Variants in RELL1 observed in about 807,000 individuals in gnomAD.
The protein encoded by RELL1 is RELT like 1, also known as RELT-like protein 1.
In RELL1, 10 loss-of-function variants were observed where a neutral mutation model predicts 23.0. That is an observed-to-expected ratio of 0.43 (90% CI 0.27 to 0.74). RELL1 has a LOEUF of 0.74. Among genes scored for constraint, RELL1 ranks in the 30% least tolerant of loss-of-function variants. The pLI is 0.19. For missense variants in RELL1, 315 were observed against 364.4 expected (o/e 0.86, Z 1.10); for synonymous variants, 146 against 146.8 (o/e 0.99, Z 0.04).
At chr4:37,644,267 A>T (rs1201751071) in intron 3 of RELL1, among the ~76,000 whole-genome samples, 1 of 151,572 alleles carries the variant, frequency 6.6e-6, no homozygotes, top group Non-Finnish European at 1.5e-5. Flanking sequence ...TCCTCCAAGG[A>T]CCCCAAACAC....
chr4:37,685,809 A>G (rs974190687), intron 1 of RELL1, among the ~76,000 whole-genome samples: 1 of 152,258 alleles, frequency 6.6e-6, no homozygotes, highest in African/African-American at 2.4e-5. Context: ...GCTCTGTGTC[A>G]CGATCTTCCG....
At chr4:37,604,900 G>GACACACACACACACACACACACACACAC (rs1483293891) in intron 6 of RELL1, among the ~76,000 whole-genome samples, 1 of 65,618 alleles carries the variant, frequency 1.5e-5, no homozygotes, top group African/African-American at 8.2e-5. Context: ...CACACACACA[G>GACACACACACACACACACACACACACAC]ACACACACAC....
intron 6 of RELL1, among the ~76,000 whole-genome samples, chr4:37,625,652 A>T (rs1046334888): frequency 6.6e-6 from 1 of 152,198 alleles, no homozygotes; most frequent in Non-Finnish European, 1.5e-5. Flanking sequence ...TCTTTCAGGA[A>T]AAATTACAAC....
intron 6 of RELL1, among the ~76,000 whole-genome samples, chr4:37,628,439 C>T (rs912920141): frequency 5.9e-5 from 9 of 152,152 alleles, no homozygotes; most frequent in African/African-American, 1.9e-4. Context: ...TGCCCAAGTA[C>T]AGAATACCCA....
Position 37,627,623 on chromosome 4 carries a change from A to T in RELL1, c.*3+3762T>A, listed in dbSNP as rs529053092. The stretch of plus-strand genomic sequence containing the variant: ...GAAGGAACCAGAAGGGAGAGAGAGA[A>T]ATCCTGCCACAGTCTTGATAACATT... On this transcript the variant is annotated intron_variant, in intron 6 of 6. Transcript: ENST00000454158. Among the ~76,000 whole-genome samples, 365 of 152,280 alleles carry T rather than the reference A, an allele frequency of 2.4e-3. 1 individual carries two copies. The highest frequency in any genetic ancestry group is 4.3e-3 in the Non-Finnish European group (290 of 68,020).
At chr4:37,600,780 CGTGT>C (rs71189087) in intron 6 of RELL1, among the ~76,000 whole-genome samples, 66 of 147,680 alleles carry the variant, frequency 4.5e-4, no homozygotes, top group South Asian at 3.0e-3. Context: ...TGGATTTGTG[CGTGT>C]GTGTGTGTGT....
intron 1 of RELL1, among the ~76,000 whole-genome samples, chr4:37,666,288 G>A (rs370243757): frequency 1.5e-3 from 233 of 152,256 alleles, no homozygotes; most frequent in African/African-American, 5.3e-3. Context: ...TCTGTTGCAC[G>A]CAGGGCCAAC....
intron 5 of RELL1, among the ~76,000 whole-genome samples, chr4:37,633,448 G>A (rs1487032332): frequency 8.5e-6 from 1 of 117,856 alleles, no homozygotes; most frequent in African/African-American, 3.1e-5. Flanking sequence ...AAAAAAAAAG[G>A]CATGTTGAAT....
At chr4:37,595,948 G>A (rs1316086939) in intron 6 of RELL1, among the ~76,000 whole-genome samples, 1 of 152,194 alleles carries the variant, frequency 6.6e-6, no homozygotes, top group Non-Finnish European at 1.5e-5. Context: ...GTATATTCGT[G>A]TAATGACATC....
chr4:37,665,070 TTATATGTGAAAGCA>T (rs1445397926), intron 1 of RELL1: 3 of 363,842 alleles, frequency 8.2e-6, no homozygotes, highest in African/African-American at 6.4e-5. Flanking sequence ...TGCAGCAATG[TTATATGTGAAAGCA>T]AATTCTCTCA....
chr4:37,602,622 G>T (rs914818497), intron 6 of RELL1, among the ~76,000 whole-genome samples: 7 of 152,086 alleles, frequency 4.6e-5, no homozygotes, highest in African/African-American at 1.7e-4. Flanking sequence ...CAAACATGCC[G>T]CTTACAGCAG....
chr4:37,673,611 T>A (rs1721917787), intron 1 of RELL1, among the ~76,000 whole-genome samples: 1 of 152,214 alleles, frequency 6.6e-6, no homozygotes, highest in Non-Finnish European at 1.5e-5. Context: ...GCTGCATAGA[T>A]CCTATTTGTG....
chr4:37,684,112 A>G (rs534723019), intron 1 of RELL1, among the ~76,000 whole-genome samples: 3 of 152,152 alleles, frequency 2.0e-5, no homozygotes, highest in Non-Finnish European at 4.4e-5. Context: ...AAATGCATAC[A>G]AAGTACTCAA....
intron 1 of RELL1, among the ~76,000 whole-genome samples, chr4:37,667,614 A>G (rs1721582818): frequency 6.6e-6 from 1 of 151,430 alleles, no homozygotes; most frequent in Non-Finnish European, 1.5e-5. Context: ...AAACCTACAG[A>G]TAATCATTAT....
At chr4:37,586,725 C>T (rs1718357230), downstream of RELL1, among the ~76,000 whole-genome samples, 1 of 152,158 alleles carries the variant, frequency 6.6e-6, no homozygotes, top group African/African-American at 2.4e-5. Flanking sequence ...GCCTGGCCAG[C>T]ATGGTGAAAC....
chr4:37,666,320 A>G (rs1721530687), intron 1 of RELL1, among the ~76,000 whole-genome samples: 1 of 152,188 alleles, frequency 6.6e-6, no homozygotes, highest in African/African-American at 2.4e-5. Flanking sequence ...ACTACTCCCT[A>G]TGAAGCATGG....
At chr4:37,672,003 C>T (rs1340185033) in intron 1 of RELL1, among the ~76,000 whole-genome samples, 1 of 152,024 alleles carries the variant, frequency 6.6e-6, no homozygotes, top group African/African-American at 2.4e-5. Context: ...GGAGCAGGCA[C>T]GAAAACAGAA....
At chr4:37,680,524 G>T (rs1486485621) in intron 1 of RELL1, among the ~76,000 whole-genome samples, 1 of 152,144 alleles carries the variant, frequency 6.6e-6, no homozygotes, top group Non-Finnish European at 1.5e-5. Flanking sequence ...CCTTTTTTGG[G>T]TGTATAGGGA....
At chr4:37,596,630 C>T (rs1271954984) in intron 6 of RELL1, among the ~76,000 whole-genome samples, 1 of 141,522 alleles carries the variant, frequency 7.1e-6, no homozygotes, top group African/African-American at 2.6e-5. Flanking sequence ...GTATGTGAAA[C>T]CTACTTTGGA....
Sources: gnomAD v4.1 joint callset for allele counts (sites outside exome capture counted in the v4.1 genomes callset) on GRCh38, gnomAD v4.1.1 for gene constraint, MANE v1.5 for transcripts, NCBI Gene and HGNC (gene_info 2026-07-23, HGNC 2026-07-21) for gene names.